LGR6: variants seen among roughly 807,000 people sequenced by gnomAD.
The protein encoded by LGR6 is leucine-rich repeat-containing G protein-coupled receptor 6.
A neutral mutation model predicts 69.4 loss-of-function variants in LGR6; 45 were observed. The ratio of observed to expected loss-of-function variants is 0.65; its 90% CI spans 0.51 to 0.83. LGR6 has a LOEUF of 0.83. LGR6 is among the 40% of genes least tolerant of loss of function. The probability of loss-of-function intolerance (pLI) is 0.00; values close to 1 mark genes in which losing one functional copy is unlikely to be tolerated. For missense variants in LGR6, 1,108 were observed against 1,246.7 expected (o/e 0.89, Z 1.68); for synonymous variants, 538 against 555.0 (o/e 0.97, Z 0.43).
At position 202,193,843 on chromosome 1, in the gene LGR6, CCCACCGCCG is replaced by C. The variant is rs932520708; in HGVS notation, c.-144_-136del. On this transcript the variant is annotated 5_prime_UTR_variant, in exon 1 of 18. Coordinates refer to ENST00000367278, the MANE Select transcript of LGR6 (RefSeq NM_001017403.2). ...TCTCTGACTGCACCGTCCCGGCGCT[CCCACCGCCG>C]CCGCCGCCGCCCAATAGAGCCCCTG... 9 of 338,618 alleles carry C rather than the reference CCCACCGCCG, an allele frequency of 2.7e-5. No homozygotes were observed. Among genetic ancestry groups the C allele is most frequent in the Admixed American group, 1.5e-4 (3 of 19,646 alleles). The allele number at this position is 338,618 out of a possible 1,614,324, so 21.0% of individuals were successfully genotyped here.
chr1:202,289,497 A>G (rs559464092), intron 6 of LGR6, among the ~76,000 whole-genome samples: 6 of 152,320 alleles, frequency 3.9e-5, no homozygotes, highest in South Asian at 4.1e-4. Context: ...CAGCACTGCT[A>G]TTGCTTCAGG....
Position 202,276,504 on chromosome 1 carries a change from C to T in LGR6, c.627C>T (p.Leu209=). 6.2e-7 allele frequency: 1 copy of T among 1,613,844 alleles called. No homozygotes were observed. The highest frequency in any genetic ancestry group is 1.1e-5 in the South Asian group (1 of 90,994). Residue 209 remains leucine, a synonymous_variant, in exon 5 of 18, where the codon CTC becomes CTT. Coordinates refer to ENST00000367278, the MANE Select transcript of LGR6 (RefSeq NM_001017403.2). ...SHIPDYAFQN[L]TSLVVLHLHN... ...TCCCCGACTACGCGTTCCAGAATCT[C>T]ACCAGCCTTGTGGTGCTGTGAGTGC...
chr1:202,209,069 C>T (rs1659367095), intron 1 of LGR6, among the ~76,000 whole-genome samples: 2 of 152,138 alleles, frequency 1.3e-5, no homozygotes, highest in Admixed American at 1.3e-4. Flanking sequence ...TAGTGTTTGA[C>T]CCCCTGGGAA....
intron 4 of LGR6, among the ~76,000 whole-genome samples, chr1:202,258,794 CT>C (rs1287407341): frequency 6.6e-6 from 1 of 151,890 alleles, no homozygotes; most frequent in Non-Finnish European, 1.5e-5. Context: ...CCTCTTATTT[CT>C]GTTTCCTGTC....
chr1:202,305,084 A>T (rs1165394932), intron 11 of LGR6, among the ~76,000 whole-genome samples: 1 of 152,084 alleles, frequency 6.6e-6, no homozygotes, highest in African/African-American at 2.4e-5. Context: ...CTCATCAGGG[A>T]CCATAGCCCC....
chr1:202,310,743 G>C (rs1572018990), intron 16 of LGR6, among the ~76,000 whole-genome samples: 2 of 152,070 alleles, frequency 1.3e-5, no homozygotes, highest in East Asian at 3.9e-4. Context: ...ATCAATCTGA[G>C]CCAATAGGAT....
chr1:202,241,930 A>G (rs1171037454), intron 4 of LGR6, among the ~76,000 whole-genome samples: 1 of 152,140 alleles, frequency 6.6e-6, no homozygotes, highest in East Asian at 1.9e-4. Context: ...CCAGACTCCA[A>G]ACTGAAACCC....
chr1:202,238,333 C>A (rs890760367), intron 4 of LGR6, among the ~76,000 whole-genome samples: 1 of 151,208 alleles, frequency 6.6e-6, no homozygotes, highest in Non-Finnish European at 1.5e-5. Flanking sequence ...AACTCCTGAG[C>A]CAAAGCAATC....
At position 202,319,234 on chromosome 1, in the gene LGR6, C is replaced by T; in HGVS notation, c.*27C>T. The stretch of plus-strand genomic sequence containing the variant: ...TATCCCTCCCCATTCTTCTCTTCCC[C>T]TCTCTTCCCTTTCCTCTCTCCCCCT... On this transcript the variant is annotated 3_prime_UTR_variant, in exon 18 of 18. Coordinates refer to ENST00000367278, the MANE Select transcript of LGR6 (RefSeq NM_001017403.2). 7 of 1,535,848 alleles carry T rather than the reference C, an allele frequency of 4.6e-6. No homozygotes were observed. Among genetic ancestry groups the T allele is most frequent in the Non-Finnish European group, 6.1e-6 (7 of 1,143,078 alleles).
chr1:202,281,546 T>C (rs1666006995), intron 6 of LGR6, among the ~76,000 whole-genome samples: 1 of 152,078 alleles, frequency 6.6e-6, no homozygotes, highest in Non-Finnish European at 1.5e-5. Flanking sequence ...AGCAAACAAC[T>C]GGCTGGGCTC....
At chr1:202,269,213 T>C (rs994030392) in intron 4 of LGR6, among the ~76,000 whole-genome samples, 1 of 152,122 alleles carries the variant, frequency 6.6e-6, no homozygotes, top group African/African-American at 2.4e-5. Flanking sequence ...GCTGAGATTC[T>C]TGGTAAACAC....
chr1:202,201,551 G>T (rs2993428), intron 1 of LGR6, among the ~76,000 whole-genome samples: 7 of 152,114 alleles, frequency 4.6e-5, no homozygotes, highest in South Asian at 4.1e-4. Flanking sequence ...TTGCTGGTGG[G>T]GGGATTTCAG....
chr1:202,318,151 C>T lies in LGR6; in HGVS notation c.1848C>T (p.Gly616=). Residue 616 remains glycine, a synonymous_variant, in exon 18 of 18, where the codon GGC becomes GGT. Transcript: ENST00000367278. ...GANTLTGISC[G]LLASVDALTF... ...ACACCTTGACTGGCATTTCCTGTGG[C>T]CTTCTAGCCTCAGTCGATGCCCTGA... is the stretch of plus-strand genomic sequence containing the variant. 1 of 1,614,018 alleles carries T rather than the reference C, an allele frequency of 6.2e-7. No homozygotes were observed. The highest frequency in any genetic ancestry group is 8.5e-7 in the Non-Finnish European group (1 of 1,180,034).
intron 4 of LGR6, among the ~76,000 whole-genome samples, chr1:202,255,903 G>A (rs1663729722): frequency 6.6e-6 from 1 of 152,194 alleles, no homozygotes; most frequent in South Asian, 2.1e-4. Flanking sequence ...AATTTACACA[G>A]CATAAAGTTC....
chr1:202,314,891 G>A lies in LGR6; in HGVS notation c.1648+9G>A, dbSNP rs1232633640. On this transcript the variant is annotated intron_variant, in intron 17 of 17. Coordinates refer to ENST00000367278, the MANE Select transcript of LGR6 (RefSeq NM_001017403.2). ...GTGTAGCCCTACTCCAGGTGAGGTG[G>A]TGTCTGGGGAATGGGGACGAGGGGG... The A allele has an allele frequency of 3.1e-6, 5 of 1,609,194 alleles. No individual in the cohort carries two copies. The highest frequency in any genetic ancestry group is 3.3e-5 in the Admixed American group (2 of 60,024).
chr1:202,291,681 G>T (rs1029984071), intron 6 of LGR6, among the ~76,000 whole-genome samples: 1 of 152,106 alleles, frequency 6.6e-6, no homozygotes, highest in Non-Finnish European at 1.5e-5. Flanking sequence ...TTCAATCCCC[G>T]CCCTTCTAAT....
chr1:202,237,888 C>T (rs1023527228), intron 4 of LGR6, among the ~76,000 whole-genome samples: 9 of 151,556 alleles, frequency 5.9e-5, no homozygotes, highest in African/African-American at 1.9e-4. Flanking sequence ...CTCTCTGCAC[C>T]TCAGTTTCTC....
In LGR6 at chr1:202,194,187, C is replaced by T; in HGVS notation, c.198C>T (p.Pro66=). The T allele has an allele frequency of 5.1e-6, 8 of 1,560,792 alleles. No homozygotes were observed. Among genetic ancestry groups the T allele is most frequent in the Non-Finnish European group, 6.9e-6 (8 of 1,161,992 alleles). The change falls in exon 1 of 18, where the codon CCC becomes CCT. Residue 66 remains proline (P), a synonymous_variant. Coordinates refer to ENST00000367278, the MANE Select transcript of LGR6 (RefSeq NM_001017403.2). ...GLSAVPGDLD[P]LTAYLDLSMN... is the part of the protein sequence containing the mutation. ...CCGCCGTTCCGGGGGACCTGGACCC[C>T]CTGACGGCTTACCTGTGAGTACTGC... is the stretch of plus-strand genomic sequence containing the variant.
In LGR6 at chr1:202,225,447, A is replaced by G. The variant is rs777910317; in HGVS notation, c.237A>G (p.Thr79=). ...GGGACCTCAGCATGAACAACCTCAC[A>G]GAGCTTCAGCCTGGCCTCTTCCACC... The part of the protein sequence containing the change: ...AYLDLSMNNL[T]ELQPGLFHHL... Residue 79 remains threonine (T), a synonymous_variant, in exon 2 of 18, where the codon ACA becomes ACG. Transcript: ENST00000367278. 1.2e-6 allele frequency: 2 copies of G among 1,613,932 alleles called. No individual in the cohort carries two copies. The highest frequency in any genetic ancestry group is 1.7e-6 in the Non-Finnish European group (2 of 1,179,862).
Sources: gnomAD v4.1 joint callset for allele counts (sites outside exome capture counted in the v4.1 genomes callset) on GRCh38, gnomAD v4.1.1 for gene constraint, MANE v1.5 for transcripts, NCBI Gene and HGNC (gene_info 2026-07-23, HGNC 2026-07-21) for gene names.